NAPB: variants seen among roughly 807,000 people sequenced by gnomAD.
NAPB encodes the protein NSF attachment protein beta, also known as beta-soluble NSF attachment protein.
In NAPB, 26 loss-of-function variants were observed where a neutral mutation model predicts 44.7. The ratio of observed to expected loss-of-function variants is 0.58; its 90% CI spans 0.43 to 0.81. The LOEUF (loss-of-function observed/expected upper bound fraction) is 0.81, where lower values mean the gene tolerates loss of function less well. NAPB is among the 30% of genes least tolerant of loss of function. The pLI is 0.00. For synonymous variants in NAPB, 120 were observed against 116.8 expected (o/e 1.03, Z -0.18); for missense variants, 315 against 356.4 (o/e 0.88, Z 0.94).
intron 1 of NAPB, among the ~76,000 whole-genome samples, chr20:23,418,204 ATG>A (rs935064613): frequency 6.6e-6 from 1 of 152,234 alleles, no homozygotes; most frequent in Non-Finnish European, 1.5e-5. Context: ...TCAAGTCAGT[ATG>A]TGTGTTTTAT....
chr20:23,390,148 A>G, intron 6 of NAPB, 61 bp downstream of exon 6: 1 of 1,526,682 alleles, frequency 6.6e-7, no homozygotes, highest in Non-Finnish European at 9.1e-7. Context: ...AGTATAAAGA[A>G]GTATTTTTTT....
At chr20:23,384,948 G>A (rs1983358366) in intron 7 of NAPB, among the ~76,000 whole-genome samples, 1 of 152,018 alleles carries the variant, frequency 6.6e-6, no homozygotes, top group Admixed American at 6.6e-5. Context: ...GTGAAATCCT[G>A]TCTCTACTAA....
At chr20:23,410,271 A>G (rs1985560816) in intron 1 of NAPB, among the ~76,000 whole-genome samples, 1 of 152,206 alleles carries the variant, frequency 6.6e-6, no homozygotes, top group South Asian at 2.1e-4. Flanking sequence ...CGCAGCATTT[A>G]AACTAAGAAA....
At chr20:23,380,011 T>C (rs1453820738) in intron 8 of NAPB, 76 bp from the exon 9 acceptor site, 1 of 1,191,258 alleles carries the variant, frequency 8.4e-7, no homozygotes, top group Non-Finnish European at 1.2e-6. Context: ...CAGCTTCAAA[T>C]AAGATCTACC....
At position 23,404,133 on chromosome 20, in the gene NAPB, G is replaced by A. The variant is rs148577030; in HGVS notation, c.99-1061C>T. Among the ~76,000 whole-genome samples the A allele has an allele frequency of 6.2e-3, 948 of 152,242 alleles. 9 individuals are homozygous for A. Among genetic ancestry groups the A allele is most frequent in the African/African-American group, 0.021 (871 of 41,538 alleles). The stretch of plus-strand genomic sequence containing the variant: ...CACATAAAAGCCAAAATTATCCTCC[G>A]TAATCCTCCCAGAGTTAACTTTGCT... On this transcript the variant is annotated intron_variant, in intron 1 of 10. Coordinates refer to ENST00000377026, the MANE Select transcript of NAPB (RefSeq NM_022080.3).
chr20:23,393,867 T>A (rs894989895), intron 5 of NAPB, among the ~76,000 whole-genome samples: 1 of 152,128 alleles, frequency 6.6e-6, no homozygotes, highest in Non-Finnish European at 1.5e-5. Context: ...CACGTGGACA[T>A]CTGGGGAAGA....
rs531415841 is a variant in NAPB, at chr20:23,408,209, C to T, written c.99-5137G>A. Among the ~76,000 whole-genome samples, 10 of 152,304 alleles carry T rather than the reference C, an allele frequency of 6.6e-5. No homozygotes were observed. The East Asian group carries it at 1.5e-3, about 24-fold the overall frequency. ...GCCACCCCAAAAGACTGAAAAGGGA[C>T]TTGCCCAGTGTGGGGAGCCTGGGGG... On this transcript the variant is annotated intron_variant, in intron 1 of 10. Coordinates refer to ENST00000377026, the MANE Select transcript of NAPB (RefSeq NM_022080.3).
chr20:23,399,192 A>G (rs1600582758), intron 2 of NAPB, among the ~76,000 whole-genome samples: 1 of 152,136 alleles, frequency 6.6e-6, no homozygotes, highest in South Asian at 2.1e-4. Context: ...TTTGAAAAAT[A>G]TGTAACCACC....
intron 5 of NAPB, among the ~76,000 whole-genome samples, chr20:23,391,398 C>T (rs1381525817): frequency 6.6e-6 from 1 of 152,198 alleles, no homozygotes; most frequent in East Asian, 1.9e-4. Context: ...ATAGTGTGTG[C>T]TGCTGTTTTT....
chr20:23,407,232 T>C (rs1985317872), intron 1 of NAPB, among the ~76,000 whole-genome samples: 1 of 152,210 alleles, frequency 6.6e-6, no homozygotes, highest in Admixed American at 6.5e-5. Context: ...TTACACCGGA[T>C]GCTTATTTTG....
At chr20:23,385,539 C>G (rs1291396688) in intron 7 of NAPB, among the ~76,000 whole-genome samples, 1 of 152,032 alleles carries the variant, frequency 6.6e-6, no homozygotes, top group Non-Finnish European at 1.5e-5. Flanking sequence ...GCAGGCAGAT[C>G]ATTTGAGGCC....
At chr20:23,394,535 C>G (rs778175598) in intron 5 of NAPB, among the ~76,000 whole-genome samples, 9 of 152,166 alleles carry the variant, frequency 5.9e-5, no homozygotes, top group Non-Finnish European at 1.2e-4. Context: ...AGTCAGATTT[C>G]TGAGTCACTG....
chr20:23,401,795 C>A (rs1185425167), intron 2 of NAPB, among the ~76,000 whole-genome samples: 2 of 152,160 alleles, frequency 1.3e-5, no homozygotes, highest in South Asian at 2.1e-4. Context: ...GCATAAGAAT[C>A]GCTTGAGCCC....
At chr20:23,387,763 C>A (rs1386855703) in intron 7 of NAPB, among the ~76,000 whole-genome samples, 1 of 152,060 alleles carries the variant, frequency 6.6e-6, no homozygotes, top group Non-Finnish European at 1.5e-5. Flanking sequence ...ATAAAAGGAA[C>A]CTGTATTCAT....
At chr20:23,401,741 C>T (rs6048783) in intron 2 of NAPB, among the ~76,000 whole-genome samples, 5,649 of 152,168 alleles carry the variant, frequency 0.037, 178 homozygotes, top group South Asian at 0.084. Flanking sequence ...ATTAGCTGGG[C>T]GTGGTGGCGC....
At position 23,403,058 on chromosome 20, in the gene NAPB, A is replaced by G. The variant is rs777314988; in HGVS notation, c.113T>C (p.Ile38Thr). The change falls in exon 2 of 11, where the codon ATA (isoleucine) becomes ACA (threonine). Residue 38 changes from isoleucine (I) to threonine (T), a missense_variant. Ile to Thr is a moderately conservative substitution (Grantham distance 89). This residue lies in a region of NAPB where 179 missense variants were observed against 182.5 expected (regional missense o/e 0.98). Coordinates refer to ENST00000377026, the MANE Select transcript of NAPB (RefSeq NM_022080.3). Reference sequence around the variant, plus strand: ...GGTATACATTTCACAAGCCTCTTCTATTCTTGTGTTTCCTCTGAGAAAAAG... The same window carrying G: ...GGTATACATTTCACAAGCCTCTTCTGTTCTTGTGTTTCCTCTGAGAAAAAG... ...LRGLFGGNTR[I>T]EEACEMYTRA... is the part of the protein sequence containing the mutation. The G allele has an allele frequency of 5.3e-5, 86 of 1,612,866 alleles. No individual in the cohort carries two copies. Among genetic ancestry groups the G allele is most frequent in the Non-Finnish European group, 7.2e-5 (85 of 1,179,726 alleles).
chr20:23,412,287 C>T (rs77712598), intron 1 of NAPB, among the ~76,000 whole-genome samples: 2,100 of 152,246 alleles, frequency 0.014, 52 homozygotes, highest in East Asian at 0.094. Flanking sequence ...AGTCACATGG[C>T]CACAACTGGC....
At chr20:23,398,793 G>A (rs564873027) in intron 2 of NAPB, among the ~76,000 whole-genome samples, 6 of 150,656 alleles carry the variant, frequency 4.0e-5, no homozygotes, top group African/African-American at 1.2e-4. Context: ...GCAGTGAGCC[G>A]AGACTGTGTC....
At chr20:23,406,856 T>C (rs1162393590) in intron 1 of NAPB, among the ~76,000 whole-genome samples, 1 of 152,252 alleles carries the variant, frequency 6.6e-6, no homozygotes, top group Non-Finnish European at 1.5e-5. Flanking sequence ...ATGTACTTTA[T>C]CCACTTATTT....
Sources: gnomAD v4.1 joint callset for allele counts (sites outside exome capture counted in the v4.1 genomes callset) on GRCh38, gnomAD v4.1.1 for gene constraint, gnomAD v4.1.1 regional missense constraint, MANE v1.5 for transcripts, NCBI Gene and HGNC (gene_info 2026-07-23, HGNC 2026-07-21) for gene names.